Variants in IL1RAPL2 observed in about 807,000 individuals in gnomAD.
The protein encoded by IL1RAPL2 is X-linked interleukin-1 receptor accessory protein-like 2.
A neutral mutation model predicts 44.1 loss-of-function variants in IL1RAPL2; 3 were observed. That is an observed-to-expected ratio of 0.07 (90% confidence interval 0.03 to 0.18). The LOEUF (loss-of-function observed/expected upper bound fraction) is 0.18, where lower values mean the gene tolerates loss of function less well. IL1RAPL2 is among the 10% of genes least tolerant of loss of function. IL1RAPL2 has a pLI of 1.00. For synonymous variants in IL1RAPL2, 181 were observed against 178.8 expected (o/e 1.01, Z -0.10); for missense variants, 391 against 496.4 (o/e 0.79, Z 2.02).
At chrX:105,008,715 C>A (rs937233861) in intron 2 of IL1RAPL2, among the ~76,000 whole-genome samples, 2 of 111,202 alleles carry the variant, frequency 1.8e-5, no homozygotes, top group African/African-American at 3.3e-5. Flanking sequence ...GTCTAAAACA[C>A]CAAAAGTAAT....
intron 2 of IL1RAPL2, among the ~76,000 whole-genome samples, chrX:104,785,014 C>T (rs1932791457): frequency 1.8e-5 from 2 of 110,800 alleles, no homozygotes; most frequent in South Asian, 7.8e-4. Flanking sequence ...AGGATTATCG[C>T]TCTTTCTTTT....
chrX:105,007,401 T>G (rs2030961688), intron 2 of IL1RAPL2, among the ~76,000 whole-genome samples: 1 of 111,830 alleles, frequency 8.9e-6, no homozygotes, highest in African/African-American at 3.2e-5. Flanking sequence ...AAGCCAGTGC[T>G]GTTTTTCCAG....
intron 2 of IL1RAPL2, among the ~76,000 whole-genome samples, chrX:105,089,945 T>C (rs2032523664): frequency 9.0e-6 from 1 of 111,672 alleles, no homozygotes. Flanking sequence ...GTTAAAATGG[T>C]TGTTCCCTCC....
rs979277631 is a variant in IL1RAPL2, at chrX:104,612,508, C to A, written c.-20+45457C>A. Among the ~76,000 whole-genome samples the A allele has an allele frequency of 6.3e-5, 7 of 111,024 alleles. 1 individual carries two copies. In the South Asian group the frequency reaches 1.5e-3, roughly 24 times the overall value. ...GATTTGGTGCGCAGCCTTATTTCTA[C>A]GTTCTGTATTCTGTTCCATTGGTTT... On this transcript the variant is annotated intron_variant, in intron 1 of 10. Coordinates refer to ENST00000372582, the MANE Select transcript of IL1RAPL2 (RefSeq NM_017416.2).
intron 1 of IL1RAPL2, among the ~76,000 whole-genome samples, chrX:104,633,225 C>T (rs1302661507): frequency 1.8e-5 from 2 of 111,726 alleles, no homozygotes; most frequent in African/African-American, 6.5e-5. Flanking sequence ...TTTTGATATG[C>T]TGCTGGATTC....
At chrX:104,624,012 C>T (rs1929449252) in intron 1 of IL1RAPL2, among the ~76,000 whole-genome samples, 1 of 111,833 alleles carries the variant, frequency 8.9e-6, no homozygotes, top group Non-Finnish European at 1.9e-5. Flanking sequence ...GTTTAGCTTC[C>T]TGGCAGGCAC....
intron 1 of IL1RAPL2, among the ~76,000 whole-genome samples, chrX:104,619,013 T>C (rs1929333598): frequency 8.9e-6 from 1 of 112,071 alleles, no homozygotes; most frequent in South Asian, 3.7e-4. Flanking sequence ...TGGCCTTGGC[T>C]GCAAGTGTCA....
At chrX:105,569,766 T>G (rs968059647) in intron 6 of IL1RAPL2, among the ~76,000 whole-genome samples, 1 of 111,658 alleles carries the variant, frequency 9.0e-6, no homozygotes, top group African/African-American at 3.2e-5. Context: ...GACTTATAGA[T>G]ACACTCTTTC....
chrX:105,359,315 G>C (rs1355453926), intron 5 of IL1RAPL2, among the ~76,000 whole-genome samples: 1 of 111,554 alleles, frequency 9.0e-6, no homozygotes, highest in Non-Finnish European at 1.9e-5. Context: ...GTGGGGAATG[G>C]TATGGGAAAG....
At position 104,604,740 on chromosome X, in the gene IL1RAPL2, G is replaced by T. The variant is rs918411179; in HGVS notation, c.-20+37689G>T. The stretch of plus-strand genomic sequence containing the variant: ...AGACAAAGAAGGCCATTACATAATG[G>T]TAAAGGGATCAATGCAGCAAAATAA... On this transcript the variant is annotated intron_variant, in intron 1 of 10. Transcript: ENST00000372582. Among the ~76,000 whole-genome samples the T allele has an allele frequency of 5.5e-5, 6 of 109,556 alleles. No individual in the cohort carries two copies. In the Admixed American group the frequency reaches 5.9e-4, roughly 11 times the overall value.
intron 2 of IL1RAPL2, among the ~76,000 whole-genome samples, chrX:104,762,780 G>A (rs1382262117): frequency 9.0e-6 from 1 of 111,593 alleles, no homozygotes; most frequent in Non-Finnish European, 1.9e-5. Flanking sequence ...AACAGCCTGA[G>A]CTCTGCATTG....
At chrX:104,994,061 A>G (rs760112418) in intron 2 of IL1RAPL2, among the ~76,000 whole-genome samples, 1 of 112,009 alleles carries the variant, frequency 8.9e-6, no homozygotes, top group Non-Finnish European at 1.9e-5. Flanking sequence ...AGAAATGAAA[A>G]CATATGTCTA....
intron 2 of IL1RAPL2, among the ~76,000 whole-genome samples, chrX:104,929,270 T>G (rs180714209): frequency 1.8e-5 from 2 of 111,948 alleles, no homozygotes; most frequent in East Asian, 5.6e-4. Context: ...ATTCAGCCTT[T>G]CGTTTGTTCA....
chrX:105,706,614 C>T (rs770034208), intron 6 of IL1RAPL2, among the ~76,000 whole-genome samples: 1 of 110,860 alleles, frequency 9.0e-6, no homozygotes, highest in East Asian at 2.9e-4. Flanking sequence ...ATGTAAAGAC[C>T]CAGAGCTGGA....
intron 6 of IL1RAPL2, among the ~76,000 whole-genome samples, chrX:105,666,721 G>A (rs1256357673): frequency 7.2e-5 from 8 of 111,792 alleles, no homozygotes; most frequent in African/African-American, 2.6e-4. Context: ...AAGCCTAGAA[G>A]AGCCGTGGCA....
At chrX:104,989,647 C>G in intron 2 of IL1RAPL2, among the ~76,000 whole-genome samples, 1 of 111,145 alleles carries the variant, frequency 9.0e-6, no homozygotes, top group Middle Eastern at 4.7e-3. Context: ...ATTCCTTCAT[C>G]AAAAAATGGT....
At chrX:104,781,548 T>C (rs912014302) in intron 2 of IL1RAPL2, among the ~76,000 whole-genome samples, 2 of 112,048 alleles carry the variant, frequency 1.8e-5, no homozygotes, top group Non-Finnish European at 3.8e-5. Flanking sequence ...ATGCCTTCCA[T>C]CTTATGACTC....
At chrX:104,767,211 A>T (rs904492033) in intron 2 of IL1RAPL2, among the ~76,000 whole-genome samples, 2 of 112,085 alleles carry the variant, frequency 1.8e-5, no homozygotes, top group African/African-American at 6.5e-5. Flanking sequence ...CTCTTTCCCA[A>T]TTCAAAGCAT....
chrX:104,748,104 G>A (rs1932204968), intron 2 of IL1RAPL2, among the ~76,000 whole-genome samples: 1 of 111,615 alleles, frequency 9.0e-6, no homozygotes, highest in African/African-American at 3.3e-5. Flanking sequence ...TAGAATAGAG[G>A]AGAGCAGGAA....
Sources: allele counts gnomAD v4.1 joint callset (sites outside exome capture counted in the v4.1 genomes callset), GRCh38; gene constraint gnomAD v4.1.1; transcripts MANE v1.5; gene names NCBI Gene and HGNC (gene_info 2026-07-23, HGNC 2026-07-21).